The following PAK5 variants were observed in gnomAD, a reference collection of about 807,000 sequenced individuals.
The protein encoded by PAK5 is serine/threonine-protein kinase PAK 5.
In PAK5, 16 loss-of-function variants were observed where a neutral mutation model predicts 65.9. That is an observed-to-expected ratio of 0.24 (90% CI 0.16 to 0.37). The LOEUF (loss-of-function observed/expected upper bound fraction) is 0.37, where lower values mean the gene tolerates loss of function less well. PAK5 is among the 10% of genes least tolerant of loss of function. The pLI, the probability that PAK5 is intolerant of heterozygous loss-of-function variation, is 1.00. For missense variants in PAK5, 785 were observed against 903.9 expected (o/e 0.87, Z 1.69); for synonymous variants, 371 against 354.9 (o/e 1.05, Z -0.51).
At chr20:9,671,949 T>C (rs1489108897) in intron 2 of PAK5, among the ~76,000 whole-genome samples, 2 of 152,076 alleles carry the variant, frequency 1.3e-5, no homozygotes, top group African/African-American at 4.8e-5. Flanking sequence ...CTCCTGATCC[T>C]TAATAAAAAT....
intron 2 of PAK5, among the ~76,000 whole-genome samples, chr20:9,649,548 C>A (rs2047176423): frequency 6.6e-6 from 1 of 152,236 alleles, no homozygotes; most frequent in Admixed American, 6.5e-5. Context: ...TCAGGGACAG[C>A]CCAGCTTTGT....
intron 2 of PAK5, among the ~76,000 whole-genome samples, chr20:9,667,564 C>T (rs2047437101): frequency 6.6e-6 from 1 of 152,110 alleles, no homozygotes; most frequent in African/African-American, 2.4e-5. Context: ...CTTGGATTTT[C>T]CAGAAAGTTC....
chr20:9,589,364 C>T (rs1023946315), intron 3 of PAK5, among the ~76,000 whole-genome samples: 5 of 152,144 alleles, frequency 3.3e-5, no homozygotes, highest in African/African-American at 4.8e-5. Context: ...TAGGAAGAAA[C>T]GGTAACTCTT....
At chr20:9,803,536 C>T (rs949386945) in intron 1 of PAK5, among the ~76,000 whole-genome samples, 1 of 152,126 alleles carries the variant, frequency 6.6e-6, no homozygotes, top group African/African-American at 2.4e-5. Context: ...AAAGAAGAGT[C>T]TAAGAACATG....
chr20:9,820,379 A>G (rs1433765724), intron 1 of PAK5, among the ~76,000 whole-genome samples: 3 of 152,114 alleles, frequency 2.0e-5, no homozygotes, highest in African/African-American at 7.2e-5. Context: ...TTGGGCCACA[A>G]CCTATTTTTA....
At chr20:9,696,954 T>G (rs186937885) in intron 2 of PAK5, among the ~76,000 whole-genome samples, 53 of 152,190 alleles carry the variant, frequency 3.5e-4, no homozygotes, top group African/African-American at 1.3e-3. Flanking sequence ...ATTTGTTGAA[T>G]GAATGAATGG....
chr20:9,600,402 A>T (rs1001526027), intron 3 of PAK5, among the ~76,000 whole-genome samples: 1 of 152,198 alleles, frequency 6.6e-6, no homozygotes, highest in Non-Finnish European at 1.5e-5. Flanking sequence ...TGACATTTAG[A>T]TAGGGATTGG....
intron 1 of PAK5, among the ~76,000 whole-genome samples, chr20:9,829,164 G>A (rs1025023170): frequency 6.6e-6 from 1 of 152,132 alleles, no homozygotes; most frequent in African/African-American, 2.4e-5. Context: ...TTTTGGTTTG[G>A]AACATTCAGT....
chr20:9,620,161 C>T (rs1027966863), intron 3 of PAK5, among the ~76,000 whole-genome samples: 9 of 152,316 alleles, frequency 5.9e-5, no homozygotes, highest in Non-Finnish European at 1.3e-4. Flanking sequence ...TTTATTTGCC[C>T]ATTCACAACA....
chr20:9,550,598 C>T (rs1359472753), intron 7 of PAK5, among the ~76,000 whole-genome samples: 1 of 152,030 alleles, frequency 6.6e-6, no homozygotes, highest in Non-Finnish European at 1.5e-5. Flanking sequence ...CTTTGATAGA[C>T]AATGTTCAAA....
intron 2 of PAK5, among the ~76,000 whole-genome samples, chr20:9,661,493 T>C (rs894356611): frequency 4.6e-5 from 7 of 152,194 alleles, no homozygotes; most frequent in Non-Finnish European, 8.8e-5. Context: ...GAAGACCTTT[T>C]TTATGGGCAT....
At chr20:9,759,754 C>A (rs1439502986) in intron 1 of PAK5, among the ~76,000 whole-genome samples, 3 of 152,118 alleles carry the variant, frequency 2.0e-5, no homozygotes. Context: ...CGAAATGACT[C>A]CCTGGAGGCA....
chr20:9,643,373 G>A (rs566525772), intron 3 of PAK5, among the ~76,000 whole-genome samples: 87 of 152,290 alleles, frequency 5.7e-4, no homozygotes, highest in African/African-American at 2.0e-3. Context: ...TTTCTTTGTA[G>A]TAACTTGGCA....
intron 1 of PAK5, among the ~76,000 whole-genome samples, chr20:9,772,439 T>C (rs1294176279): frequency 2.1e-5 from 3 of 143,438 alleles, no homozygotes; most frequent in Non-Finnish European, 4.5e-5. Context: ...TGTGAAGGAA[T>C]ATCCCCGCTA....
At chr20:9,600,227 TATA>T (rs1006285360) in intron 3 of PAK5, among the ~76,000 whole-genome samples, 1 of 152,220 alleles carries the variant, frequency 6.6e-6, no homozygotes, top group Non-Finnish European at 1.5e-5. Context: ...CTTATACCAT[TATA>T]ATATTATTTT....
At chr20:9,694,764 G>A (rs1417018230) in intron 2 of PAK5, among the ~76,000 whole-genome samples, 2 of 152,048 alleles carry the variant, frequency 1.3e-5, no homozygotes, top group Non-Finnish European at 2.9e-5. Context: ...ATCATAGCAT[G>A]ACTATACCAT....
intron 2 of PAK5, among the ~76,000 whole-genome samples, chr20:9,676,394 T>C (rs6108326): frequency 0.19 from 28,571 of 152,190 alleles, 2,921 homozygotes; most frequent in East Asian, 0.36. Context: ...GATCTTTTTA[T>C]AAAATTATGA....
chr20:9,694,909 C>T (rs2047847876), intron 2 of PAK5, among the ~76,000 whole-genome samples: 1 of 152,002 alleles, frequency 6.6e-6, no homozygotes, highest in African/African-American at 2.4e-5. Context: ...TGGGTATATA[C>T]ATACCTAAGA....
Position 9,724,495 on chromosome 20 carries a change from G to A in PAK5, c.-161-13060C>T, listed in dbSNP as rs115304929. ...GGCTTGGGAAAAGCCCTAGAAATAT[G>A]TTCACATGGTCATATATCTTTACAA... On this transcript the variant is annotated intron_variant, in intron 1 of 9. Coordinates refer to ENST00000353224, the MANE Select transcript of PAK5 (RefSeq NM_177990.4). 4.5e-3 allele frequency among the ~76,000 whole-genome samples: 688 copies of A among 152,246 alleles called. 7 individuals carry two copies. Among genetic ancestry groups the A allele is most frequent in the African/African-American group, 0.013 (559 of 41,534 alleles).
Sources: gnomAD v4.1 joint callset for allele counts (sites outside exome capture counted in the v4.1 genomes callset) on GRCh38, gnomAD v4.1.1 for gene constraint, MANE v1.5 for transcripts, NCBI Gene and HGNC (gene_info 2026-07-23, HGNC 2026-07-21) for gene names.